KIAA1671: variants seen among roughly 807,000 people sequenced by gnomAD.
The protein encoded by KIAA1671 is KIAA1671.
A neutral mutation model predicts 131.2 loss-of-function variants in KIAA1671; 52 were observed. The observed-to-expected ratio is 0.40, with a 90% CI of 0.32 to 0.50. The LOEUF is 0.50. Among genes scored for constraint, KIAA1671 ranks in the 20% least tolerant of loss-of-function variants. KIAA1671 has a pLI of 0.73. For synonymous variants in KIAA1671, 1,003 were observed against 961.6 expected (o/e 1.04, Z -0.80); for missense variants, 2,360 against 2,364.2 (o/e 1.00, Z 0.04).
chr22:25,044,790 C>T (rs11090365), intron 5 of KIAA1671, among the ~76,000 whole-genome samples: 36,554 of 152,168 alleles, frequency 0.24, 6,426 homozygotes, highest in African/African-American at 0.5. Context: ...CCTATATTGA[C>T]AGTCACTTAT....
intron 6 of KIAA1671, among the ~76,000 whole-genome samples, chr22:25,153,610 C>T (rs564392838): frequency 5.3e-5 from 8 of 152,230 alleles, no homozygotes; most frequent in Non-Finnish European, 8.8e-5. Flanking sequence ...ACCCGCCTCA[C>T]GGTGTTGGTG....
intron 9 of KIAA1671, chr22:25,179,511 G>T: frequency 3.1e-6 from 5 of 1,608,920 alleles, no homozygotes; most frequent in Non-Finnish European, 4.2e-6. Flanking sequence ...TCCCGCTCGT[G>T]CTCGCGCGGC....
intron 1 of KIAA1671, among the ~76,000 whole-genome samples, chr22:24,979,523 GT>G (rs1319387337): frequency 6.8e-6 from 1 of 147,940 alleles, no homozygotes; most frequent in African/African-American, 2.5e-5. Context: ...CTAATTTTTT[GT>G]ATTTTTAGTA....
At chr22:25,168,104 T>C (rs1039809562) in intron 6 of KIAA1671, among the ~76,000 whole-genome samples, 1 of 152,176 alleles carries the variant, frequency 6.6e-6, no homozygotes, top group Admixed American at 6.6e-5. Flanking sequence ...CCAGAGAACC[T>C]GAGAAGAGGC....
Position 25,070,282 on chromosome 22 carries a change from G to A in KIAA1671, c.4530+20918G>A, listed in dbSNP as rs189137022. The A allele has an allele frequency of 3.2e-3, 1,318 of 415,304 alleles. 9 individuals are homozygous for A. The highest frequency in any genetic ancestry group is 4.1e-3 in the Non-Finnish European group (930 of 226,380). The allele number at this position is 415,304 out of a possible 1,614,324, so 25.7% of individuals were successfully genotyped here. On this transcript the variant is annotated intron_variant, in intron 6 of 12. Coordinates refer to ENST00000358431, the MANE Select transcript of KIAA1671 (RefSeq NM_001145206.2). ...ATGCCGCCTTGAACTTGACTCCAGC[G>A]TGACAGGAGTGAGAAGAGCCGCTCC... is the stretch of plus-strand genomic sequence containing the variant.
intron 6 of KIAA1671, among the ~76,000 whole-genome samples, chr22:25,068,497 C>T (rs929203105): frequency 6.6e-6 from 1 of 151,928 alleles, no homozygotes; most frequent in African/African-American, 2.4e-5. Flanking sequence ...AGTGCAGTGG[C>T]ACGATCTCGG....
chr22:25,135,016 G>C (rs566264995), intron 6 of KIAA1671, among the ~76,000 whole-genome samples: 4 of 152,080 alleles, frequency 2.6e-5, no homozygotes, highest in African/African-American at 9.7e-5. Flanking sequence ...TGAGTTCTGG[G>C]TAGATTCATT....
chr22:25,040,901 G>T lies in KIAA1671; in HGVS notation c.3771G>T (p.Gly1257=). 1 of 1,513,320 alleles carries T rather than the reference G, an allele frequency of 6.6e-7. No individual in the cohort carries two copies. The highest frequency in any genetic ancestry group is 8.9e-7 in the Non-Finnish European group (1 of 1,129,874). 93.7% of individuals were successfully genotyped at this position (1,513,320 alleles called of 1,614,324 possible). A position where few individuals can be genotyped will look rare whatever the true frequency, so the allele number is the denominator to read the frequency against. Residue 1257 remains glycine, a synonymous_variant, in exon 5 of 13, where the codon GGG becomes GGT. Transcript: ENST00000358431. ...RRSLKEMPDT[G]GLWKPASSAE... ...GCCTGAAGGAGATGCCCGATACCGG[G>T]GGTCTCTGGAAACCGGCCAGTTCTG...
At chr22:25,142,074 A>G (rs1215277966) in intron 6 of KIAA1671, among the ~76,000 whole-genome samples, 3 of 152,218 alleles carry the variant, frequency 2.0e-5, no homozygotes, top group African/African-American at 7.2e-5. Context: ...TTGCTTGTTC[A>G]AGATTAAGAA....
In KIAA1671 at chr22:25,030,073, C is replaced by T. The variant is rs906484199; in HGVS notation, c.1541+533C>T. The stretch of plus-strand genomic sequence containing the variant: ...TTAATAATGATATTCTAAGTCAGTT[C>T]GTTAATACTGATACTCTTAAGTCAG... On this transcript the variant is annotated intron_variant, in intron 3 of 12. Transcript: ENST00000358431. Among the ~76,000 whole-genome samples, 25 of 152,246 alleles carry T rather than the reference C, an allele frequency of 1.6e-4. No individual in the cohort carries two copies. The Middle Eastern group carries it at 0.01, about 62-fold the overall frequency.
chr22:24,993,062 C>T (rs1389055124), intron 1 of KIAA1671, among the ~76,000 whole-genome samples: 3 of 151,990 alleles, frequency 2.0e-5, no homozygotes, highest in African/African-American at 4.8e-5. Context: ...GTGCTGATCT[C>T]GAAGCCGCCC....
At position 25,028,215 on chromosome 22, in the gene KIAA1671, G is replaced by C. The variant is rs941638668; in HGVS notation, c.216G>C (p.Ser72=). ...PLPRLAPKPF[S]KEQDVKSPVP... ...CAAGGCTCGCCCCCAAACCCTTCTCGAAGGAGCAGGACGTGAAATCTCCTG... is the reference window on the plus strand; with the variant it reads ...CAAGGCTCGCCCCCAAACCCTTCTCCAAGGAGCAGGACGTGAAATCTCCTG... The change falls in exon 3 of 13, where the codon TCG becomes TCC. Residue 72 remains serine (S), a synonymous_variant. Coordinates refer to ENST00000358431, the MANE Select transcript of KIAA1671 (RefSeq NM_001145206.2). 18 of 1,551,146 alleles carry C rather than the reference G, an allele frequency of 1.2e-5. No individual in the cohort carries two copies. Among genetic ancestry groups the C allele is most frequent in the African/African-American group, 1.4e-5 (1 of 73,050 alleles).
At position 25,039,166 on chromosome 22, in the gene KIAA1671, C is replaced by T; in HGVS notation, c.2036C>T (p.Pro679Leu). 6.4e-7 allele frequency: 1 copy of T among 1,551,822 alleles called. No individual in the cohort carries two copies. The highest frequency in any genetic ancestry group is 1.7e-4 in the Middle Eastern group (1 of 5,992). Residue 679 changes from proline to leucine, a missense_variant, in exon 5 of 13, where the codon CCC (proline) becomes CTC (leucine). Physicochemically the swap from Pro to Leu is moderately conservative, Grantham distance 98 (BLOSUM62 -3). Transcript: ENST00000358431. ...KKENSRGFDN[P>L]ETEKLGPTTL... Reference sequence around the variant, plus strand: ...GAGAACTCCAGAGGGTTTGACAATCCCGAGACGGAGAAATTGGGACCAACC... The same window carrying T: ...GAGAACTCCAGAGGGTTTGACAATCTCGAGACGGAGAAATTGGGACCAACC...
intron 6 of KIAA1671, among the ~76,000 whole-genome samples, chr22:25,109,443 G>A (rs973762972): frequency 1.7e-4 from 26 of 151,936 alleles, no homozygotes; most frequent in Non-Finnish European, 2.9e-4. Flanking sequence ...GAGCCACCGC[G>A]CCCGGCCCAT....
intron 1 of KIAA1671, among the ~76,000 whole-genome samples, chr22:24,954,268 T>G (rs1160182252): frequency 1.3e-5 from 2 of 152,160 alleles, no homozygotes; most frequent in East Asian, 3.8e-4. Context: ...TCTCCCTTGG[T>G]CTGGCTTTCC....
intron 1 of KIAA1671, chr22:25,024,157 T>A (rs1225698804): frequency 1.3e-4 from 20 of 151,920 alleles, no homozygotes; most frequent in African/African-American, 4.8e-4. Context: ...GGGACTTAAT[T>A]TATCTTGTCC....
chr22:25,075,502 CT>C (rs376665483), intron 6 of KIAA1671, among the ~76,000 whole-genome samples: 35 of 147,132 alleles, frequency 2.4e-4, no homozygotes, highest in Non-Finnish European at 2.1e-4. Context: ...CAGTGCGCAT[CT>C]TTTTTTTTTT....
chr22:25,144,934 G>A (rs1261070299), intron 6 of KIAA1671, among the ~76,000 whole-genome samples: 1 of 152,178 alleles, frequency 6.6e-6, no homozygotes, highest in East Asian at 1.9e-4. Context: ...AGAAGTAAGG[G>A]GTATGTCTGC....
At chr22:25,074,496 C>CAAAAAAA (rs759898395) in intron 6 of KIAA1671, among the ~76,000 whole-genome samples, 1 of 64,136 alleles carries the variant, frequency 1.6e-5, no homozygotes, top group Non-Finnish European at 3.0e-5. Context: ...GGCTGTGTCT[C>CAAAAAAA]AAAAAAAAAA....
Sources: allele counts gnomAD v4.1 joint callset (sites outside exome capture counted in the v4.1 genomes callset), GRCh38; gene constraint gnomAD v4.1.1; transcripts MANE v1.5; gene names NCBI Gene and HGNC (gene_info 2026-07-23, HGNC 2026-07-21).